Variants in CNKSR3 observed in about 807,000 individuals in gnomAD.
CNKSR3 encodes connector enhancer of kinase suppressor of ras 3.
A neutral mutation model predicts 67.7 loss-of-function variants in CNKSR3; 36 were observed. That is an observed-to-expected ratio of 0.53 (90% CI 0.41 to 0.70). The LOEUF (loss-of-function observed/expected upper bound fraction) is 0.70, where lower values mean the gene tolerates loss of function less well. Among genes scored for constraint, CNKSR3 ranks in the 30% least tolerant of loss-of-function variants. The pLI is 0.00. For missense variants in CNKSR3, 630 were observed against 695.2 expected (o/e 0.91, Z 1.05); for synonymous variants, 281 against 271.4 (o/e 1.04, Z -0.35).
chr6:154,423,487 A>G (rs990818772), intron 7 of CNKSR3, among the ~76,000 whole-genome samples: 1 of 152,032 alleles, frequency 6.6e-6, no homozygotes, highest in Non-Finnish European at 1.5e-5. Flanking sequence ...CGAACTCCCA[A>G]CTTCAGGTGA....
chr6:154,416,519 A>C (rs1182729451), intron 9 of CNKSR3, among the ~76,000 whole-genome samples: 1 of 152,260 alleles, frequency 6.6e-6, no homozygotes, highest in Non-Finnish European at 1.5e-5. Context: ...ACATTTCCAC[A>C]AAATTGATGC....
Position 154,442,309 on chromosome 6 carries a change from AAG to A in CNKSR3, c.217-21_217-20del. The A allele has an allele frequency of 6.2e-7, 1 of 1,605,152 alleles. No homozygotes were observed. On this transcript the variant is annotated intron_variant, in intron 2 of 12. Coordinates refer to ENST00000607772, the MANE Select transcript of CNKSR3 (RefSeq NM_173515.4). ...CATAATTCTGTGGAAAATAAAATCA[AAG>A]AGAAAAATTCAAAACAATGCACAAT...
rs1296829993 is a variant in CNKSR3, at chr6:154,397,552, G to C, written c.*8802C>G. 2.6e-5 allele frequency: 4 copies of C among 152,168 alleles called. No individual in the cohort carries two copies. Among genetic ancestry groups the C allele is most frequent in the Non-Finnish European group, 4.4e-5 (3 of 68,034 alleles). 9.4% of individuals were successfully genotyped at this position (152,168 alleles called of 1,614,324 possible). On this transcript the variant is annotated 3_prime_UTR_variant, in exon 13 of 13. Transcript: ENST00000607772. ...CATGCTTGTTTTTTCTTTTTTCCTA[G>C]GAATTAACAGTGGCAGGCCCTGGAA...
At chr6:154,417,310 C>G (rs1268829704) in intron 9 of CNKSR3, among the ~76,000 whole-genome samples, 2 of 152,230 alleles carry the variant, frequency 1.3e-5, no homozygotes, top group Non-Finnish European at 2.9e-5. Flanking sequence ...AAGGGTCCCA[C>G]AACAGCTAGT....
At chr6:154,505,121 G>C (rs1787072093) in intron 1 of CNKSR3, among the ~76,000 whole-genome samples, 1 of 151,412 alleles carries the variant, frequency 6.6e-6, no homozygotes, top group East Asian at 2.0e-4. Flanking sequence ...ACCTAAACTG[G>C]AATCAAGGTA....
At chr6:154,476,169 C>A (rs941305497) in intron 1 of CNKSR3, among the ~76,000 whole-genome samples, 1 of 152,080 alleles carries the variant, frequency 6.6e-6, no homozygotes, top group African/African-American at 2.4e-5. Flanking sequence ...CTAAGACAGA[C>A]CTTCGGGCCG....
In CNKSR3 at chr6:154,394,717, G is replaced by A. The variant is rs1286312262; in HGVS notation, c.*11637C>T. 1 of 150,860 alleles carries A rather than the reference G, an allele frequency of 6.6e-6. No individual in the cohort carries two copies. Among genetic ancestry groups the A allele is most frequent in the Non-Finnish European group, 1.5e-5 (1 of 67,718 alleles). 9.3% of individuals were successfully genotyped at this position (150,860 alleles called of 1,614,324 possible). ...ATTGAAAACAAAGAAACAACAGAAA[G>A]GCCCAACAAAGGGACCACTGTTCTT... is the stretch of plus-strand genomic sequence containing the variant. On this transcript the variant is annotated 3_prime_UTR_variant, in exon 13 of 13. Coordinates refer to ENST00000607772, the MANE Select transcript of CNKSR3 (RefSeq NM_173515.4).
chr6:154,444,787 A>G (rs988723176), intron 2 of CNKSR3, among the ~76,000 whole-genome samples: 4 of 151,954 alleles, frequency 2.6e-5, no homozygotes, highest in African/African-American at 9.7e-5. Context: ...TGAATTTTTT[A>G]GTAGAGACGG....
rs1448294418 is a variant in CNKSR3 at position 154,411,013 on chromosome 6, T to A, written c.1200A>T (p.Ala400=). The A allele has an allele frequency of 1.9e-6, 3 of 1,614,054 alleles. No homozygotes were observed. The highest frequency in any genetic ancestry group is 1.7e-6 in the Non-Finnish European group (2 of 1,180,026). The change falls in exon 11 of 13, where the codon GCA becomes GCT. Residue 400 remains alanine, a synonymous_variant. Coordinates refer to ENST00000607772, the MANE Select transcript of CNKSR3 (RefSeq NM_173515.4). ...AGTACCCAGGCAACTGATCCGAGTC[T>A]GCAATGGTGAATCTTCGTCTCCGGC... ...QESRRRRFTI[A]DSDQLPGYSV...
Position 154,439,147 on chromosome 6 carries a change from C to T in CNKSR3, c.507+2145G>A, listed in dbSNP as rs190606459. Among the ~76,000 whole-genome samples, 344 of 152,240 alleles carry T rather than the reference C, an allele frequency of 2.3e-3. 1 individual carries two copies. Among genetic ancestry groups the T allele is most frequent in the African/African-American group, 7.8e-3 (326 of 41,550 alleles). On this transcript the variant is annotated intron_variant, in intron 4 of 12. Transcript: ENST00000607772. ...TGTACTCCCCTCACTCCTTCCTGTG[C>T]GCCTTCCCTCCCTAGCATTGCTCTA...
chr6:154,476,269 G>A lies in CNKSR3; in HGVS notation c.53-26011C>T, dbSNP rs142903497. Among the ~76,000 whole-genome samples the A allele has an allele frequency of 5.3e-5, 8 of 152,030 alleles. No individual in the cohort carries two copies. In the East Asian group the frequency reaches 1.2e-3, roughly 22 times the overall value. On this transcript the variant is annotated intron_variant, in intron 1 of 12. Transcript: ENST00000607772. Reference sequence around the variant, plus strand: ...GTCAGGAGTTCAAGACCAGCCTGGCGAACATGGCGAGACCCTGTCTCTACT... The same window carrying A: ...GTCAGGAGTTCAAGACCAGCCTGGCAAACATGGCGAGACCCTGTCTCTACT...
chr6:154,484,796 G>A lies in CNKSR3; in HGVS notation c.52+25267C>T, dbSNP rs1582896684. ...CCCCAAAGAAAATGAATAAATACTT[G>A]AAAATAAAAATCAATTGTTACCATC... On this transcript the variant is annotated intron_variant, in intron 1 of 12. Coordinates refer to ENST00000607772, the MANE Select transcript of CNKSR3 (RefSeq NM_173515.4). 2.0e-5 allele frequency among the ~76,000 whole-genome samples: 3 copies of A among 150,482 alleles called. No individual in the cohort carries two copies. The East Asian group carries it at 5.8e-4, about 29-fold the overall frequency.
chr6:154,411,217 T>G, intron 10 of CNKSR3, 75 bp from the exon 11 acceptor site: 1 of 989,798 alleles, frequency 1.0e-6, no homozygotes, highest in Non-Finnish European at 1.6e-6. Flanking sequence ...GCAGTGCTGC[T>G]ACCTCCAGCA....
At chr6:154,459,052 A>G (rs780007959) in intron 1 of CNKSR3, among the ~76,000 whole-genome samples, 1 of 152,028 alleles carries the variant, frequency 6.6e-6, no homozygotes, top group Non-Finnish European at 1.5e-5. Flanking sequence ...TACAAAAGAA[A>G]GAAAAAGAAA....
intron 1 of CNKSR3, among the ~76,000 whole-genome samples, chr6:154,471,729 T>C (rs1255114044): frequency 6.6e-6 from 1 of 152,156 alleles, no homozygotes; most frequent in Non-Finnish European, 1.5e-5. Flanking sequence ...GCTGGAACCA[T>C]CAGTGACACA....
Position 154,387,574 on chromosome 6 carries a change from GA to G in CNKSR3, c.*18779del, listed in dbSNP as rs1784563768. On this transcript the variant is annotated 3_prime_UTR_variant, in exon 13 of 13. Transcript: ENST00000607772. ...ATGAGGCACAGGAAAGGAATGTTAA[GA>G]AAAGCAGGAATGTTTATCTAGTTCA... 1 of 152,202 alleles carries G rather than the reference GA, an allele frequency of 6.6e-6. No homozygotes were observed. The allele number at this position is 152,202 out of a possible 1,614,324, so 9.4% of individuals were successfully genotyped here.
chr6:154,489,313 T>C (rs1415780161), intron 1 of CNKSR3, among the ~76,000 whole-genome samples: 1 of 152,142 alleles, frequency 6.6e-6, no homozygotes, highest in Admixed American at 6.5e-5. Context: ...GGCAGATCAC[T>C]TGAGGTCAGG....
chr6:154,509,346 A>C (rs1787166797), intron 1 of CNKSR3, among the ~76,000 whole-genome samples: 1 of 52,952 alleles, frequency 1.9e-5, no homozygotes, highest in Admixed American at 2.9e-4. Flanking sequence ...TCCTCATCCC[A>C]AATATTGTAT....
At chr6:154,462,888 C>A (rs1474290243) in intron 1 of CNKSR3, among the ~76,000 whole-genome samples, 2 of 152,182 alleles carry the variant, frequency 1.3e-5, no homozygotes, top group Non-Finnish European at 2.9e-5. Flanking sequence ...TGCATGGCCG[C>A]ATTATTTACC....
Sources: allele counts gnomAD v4.1 joint callset (sites outside exome capture counted in the v4.1 genomes callset), GRCh38; gene constraint gnomAD v4.1.1; transcripts MANE v1.5; gene names NCBI Gene and HGNC (gene_info 2026-07-23, HGNC 2026-07-21).